TOX: variants seen among roughly 807,000 people sequenced by gnomAD.
TOX encodes the protein thymocyte selection associated high mobility group box, also known as thymocyte selection-associated high mobility group box protein TOX.
Under a neutral mutation model 53.7 loss-of-function variants are expected in TOX, and 11 were observed. The observed-to-expected ratio is 0.20, with a 90% CI of 0.13 to 0.34. The LOEUF (loss-of-function observed/expected upper bound fraction) is 0.34. Ranked by LOEUF, TOX falls within the 10% of genes least tolerant of loss-of-function variation. The probability of loss-of-function intolerance (pLI) is 1.00; values close to 1 mark genes in which losing one functional copy is unlikely to be tolerated. For missense variants in TOX, 570 were observed against 664.6 expected (o/e 0.86, Z 1.56); for synonymous variants, 225 against 245.3 (o/e 0.92, Z 0.77).
intron 1 of TOX, among the ~76,000 whole-genome samples, chr8:59,068,361 G>A (rs1804132922): frequency 6.6e-6 from 1 of 151,500 alleles, no homozygotes; most frequent in Middle Eastern, 3.4e-3. Flanking sequence ...TAGTGGGGGA[G>A]ATAGCTGTAA....
chr8:58,810,327 T>C (rs966491211), intron 7 of TOX, among the ~76,000 whole-genome samples: 69 of 151,504 alleles, frequency 4.6e-4, no homozygotes, highest in Non-Finnish European at 4.7e-4. Context: ...TGTAAAGTTC[T>C]CCATATTGGA....
intron 1 of TOX, among the ~76,000 whole-genome samples, chr8:59,083,522 A>G (rs989385264): frequency 2.0e-5 from 3 of 152,234 alleles, no homozygotes; most frequent in African/African-American, 7.2e-5. Context: ...GAGATGAAAT[A>G]TATTTATAAT....
At chr8:58,931,922 T>C (rs1045958615) in intron 3 of TOX, among the ~76,000 whole-genome samples, 4 of 152,178 alleles carry the variant, frequency 2.6e-5, no homozygotes, top group Admixed American at 6.5e-5. Context: ...TATTTTTAAA[T>C]TGGCTCCTTT....
intron 3 of TOX, among the ~76,000 whole-genome samples, chr8:58,920,450 C>A (rs1416629752): frequency 3.3e-5 from 2 of 60,310 alleles, no homozygotes; most frequent in African/African-American, 6.6e-5. Context: ...AGTAAACTAT[C>A]GCAAGAACAA....
intron 4 of TOX, among the ~76,000 whole-genome samples, chr8:58,844,536 C>T (rs1380839345): frequency 6.6e-6 from 1 of 152,026 alleles, no homozygotes; most frequent in Non-Finnish European, 1.5e-5. Flanking sequence ...AGGAGCAGGT[C>T]CCATTAATCT....
At chr8:58,910,949 A>G (rs1010181010) in intron 3 of TOX, among the ~76,000 whole-genome samples, 1 of 152,174 alleles carries the variant, frequency 6.6e-6, no homozygotes, top group Non-Finnish European at 1.5e-5. Context: ...ATAACCAAAG[A>G]TACTTCCTTT....
chr8:58,849,718 T>A (rs928394216), intron 4 of TOX, among the ~76,000 whole-genome samples: 2 of 152,206 alleles, frequency 1.3e-5, no homozygotes, highest in African/African-American at 4.8e-5. Flanking sequence ...TCCTGAAATG[T>A]CAGGAATGAA....
At chr8:58,894,690 T>A (rs1811610741) in intron 3 of TOX, among the ~76,000 whole-genome samples, 2 of 151,040 alleles carry the variant, frequency 1.3e-5, no homozygotes, top group Admixed American at 1.3e-4. Context: ...GGTCAGCAGT[T>A]CGAGACCAGC....
At chr8:58,974,215 T>C (rs1174553484) in intron 1 of TOX, among the ~76,000 whole-genome samples, 3 of 152,162 alleles carry the variant, frequency 2.0e-5, no homozygotes, top group Non-Finnish European at 4.4e-5. Flanking sequence ...TGGCGTCTAG[T>C]GGATAGAGGC....
At chr8:59,069,234 G>C (rs1804148955) in intron 1 of TOX, among the ~76,000 whole-genome samples, 2 of 152,196 alleles carry the variant, frequency 1.3e-5, no homozygotes, top group South Asian at 4.1e-4. Context: ...CAGGAGTAGA[G>C]AGGTGGTTGG....
rs28409205 is a variant in TOX at position 59,118,155 on chromosome 8, C to G, written c.102+731G>C. 0.037 allele frequency among the ~76,000 whole-genome samples: 5,615 copies of G among 152,302 alleles called. 261 individuals carry two copies. Among genetic ancestry groups the G allele is most frequent in the African/African-American group, 0.11 (4,429 of 41,572 alleles). On this transcript the variant is annotated intron_variant, in intron 1 of 8. Transcript: ENST00000361421. The surrounding 1 kb of genome is among the most constrained non-coding windows in gnomAD (Gnocchi z 4.1). ...CCGTGGGTACAGCTCAGCCGCGGAC[C>G]CTGCTCCGCGAGTGCGGGAGCTTTG...
intron 1 of TOX, among the ~76,000 whole-genome samples, chr8:58,982,371 T>C (rs1813222795): frequency 6.6e-6 from 1 of 152,206 alleles, no homozygotes; most frequent in South Asian, 2.1e-4. Context: ...AAATATCTTT[T>C]CGGGGAGGAT....
intron 1 of TOX, among the ~76,000 whole-genome samples, chr8:59,057,472 A>C (rs1286129538): frequency 1.3e-5 from 2 of 152,220 alleles, no homozygotes; most frequent in African/African-American, 4.8e-5. Context: ...AACAATAAGT[A>C]TTAGTTCCTA....
rs569403355 is a variant in TOX at position 58,845,770 on chromosome 8, A to T, written c.693+5754T>A. Among the ~76,000 whole-genome samples the T allele has an allele frequency of 2.0e-5, 3 of 152,204 alleles. No homozygotes were observed. In the East Asian group the frequency reaches 5.8e-4, roughly 29 times the overall value. On this transcript the variant is annotated intron_variant, in intron 4 of 8. Coordinates refer to ENST00000361421, the MANE Select transcript of TOX (RefSeq NM_014729.3). ...CAAAGGCACTCAGCGGCCTTATGTG[A>T]AATAGGAAGTCTGGGCTAATGTCCA...
At chr8:58,973,199 T>C (rs773167714) in intron 1 of TOX, among the ~76,000 whole-genome samples, 2 of 152,238 alleles carry the variant, frequency 1.3e-5, no homozygotes, top group Admixed American at 6.5e-5. Flanking sequence ...CAAAGCTCTT[T>C]AGATGCACGA....
At chr8:59,043,500 A>G (rs1233797554) in intron 1 of TOX, among the ~76,000 whole-genome samples, 2 of 152,176 alleles carry the variant, frequency 1.3e-5, no homozygotes, top group African/African-American at 4.8e-5. Flanking sequence ...CTGACTCTAT[A>G]TAATAAACTA....
intron 7 of TOX, among the ~76,000 whole-genome samples, chr8:58,812,559 CT>C (rs1468043304): frequency 2.6e-5 from 4 of 152,206 alleles, no homozygotes; most frequent in African/African-American, 9.7e-5. Flanking sequence ...TGAGAAGGGC[CT>C]TCCTTGTCCA....
intron 1 of TOX, among the ~76,000 whole-genome samples, chr8:58,989,827 G>A (rs778002225): frequency 1.3e-4 from 20 of 152,132 alleles, no homozygotes; most frequent in African/African-American, 4.6e-4. Flanking sequence ...CAAAGCCTTC[G>A]CTCAGGACAC....
chr8:58,911,320 C>T (rs1000106938), intron 3 of TOX, among the ~76,000 whole-genome samples: 7 of 152,116 alleles, frequency 4.6e-5, no homozygotes, highest in African/African-American at 1.7e-4. Flanking sequence ...CTAGATACTT[C>T]AATGGCACTA....
Sources: allele counts gnomAD v4.1 joint callset (sites outside exome capture counted in the v4.1 genomes callset), GRCh38; gene constraint gnomAD v4.1.1; non-coding constraint Gnocchi (gnomAD v3.1); transcripts MANE v1.5; gene names NCBI Gene and HGNC (gene_info 2026-07-23, HGNC 2026-07-21).